The following PIK3C3 variants were observed in gnomAD, a reference collection of about 807,000 sequenced individuals.
The protein encoded by PIK3C3 is phosphatidylinositol 3-kinase catalytic subunit type 3.
PIK3C3 carries 95 observed loss-of-function variants against 126.1 expected under a neutral mutation model. The observed-to-expected ratio is 0.75, with a 90% CI of 0.64 to 0.89. The LOEUF (loss-of-function observed/expected upper bound fraction) is 0.89. Among genes scored for constraint, PIK3C3 ranks in the 40% least tolerant of loss-of-function variants. The pLI, the probability that PIK3C3 is intolerant of heterozygous loss-of-function variation, is 0.00. For synonymous variants in PIK3C3, 374 were observed against 360.0 expected (o/e 1.04, Z -0.44); for missense variants, 829 against 1,063.2 (o/e 0.78, Z 3.06).
At chr18:41,967,797 T>C (rs1192850972) in intron 3 of PIK3C3, among the ~76,000 whole-genome samples, 1 of 152,218 alleles carries the variant, frequency 6.6e-6, no homozygotes, top group East Asian at 1.9e-4. Flanking sequence ...CAGTTGTTTT[T>C]TCTAAATGTG....
At chr18:42,075,221 T>C (rs1045842883) in intron 24 of PIK3C3, among the ~76,000 whole-genome samples, 20 of 152,282 alleles carry the variant, frequency 1.3e-4, no homozygotes, top group Middle Eastern at 3.4e-3. Context: ...GAATGAAGAA[T>C]AGCAGTGTAA....
chr18:42,057,770 G>A (rs760795966), intron 21 of PIK3C3, 113 bp from the exon 22 acceptor site: 43 of 924,410 alleles, frequency 4.7e-5, no homozygotes, highest in South Asian at 6.2e-5. Context: ...AGGCTTCATC[G>A]TGAACTAATA....
In PIK3C3 at chr18:42,083,164, GT is replaced by G. The variant is rs1986308987; in HGVS notation, c.*2032del. ...AAAGAAAAGTGGCTTATCAATCTCAGTTTTTATTGCTCAAAGCAATTCTTTA... is the reference window on the plus strand; with the variant it reads ...AAAGAAAAGTGGCTTATCAATCTCAGTTTTATTGCTCAAAGCAATTCTTTA... On this transcript the variant is annotated 3_prime_UTR_variant, in exon 25 of 25. Coordinates refer to ENST00000262039, the MANE Select transcript of PIK3C3 (RefSeq NM_002647.4). The G allele has an allele frequency of 6.6e-6, 1 of 152,168 alleles. No individual in the cohort carries two copies. The highest frequency in any genetic ancestry group is 1.5e-5 in the Non-Finnish European group (1 of 68,024). The allele number at this position is 152,168 out of a possible 1,614,324, so 9.4% of individuals were successfully genotyped here. A position where few individuals can be genotyped will look rare whatever the true frequency, so the allele number is the denominator to read the frequency against.
chr18:41,970,720 C>T, intron 4 of PIK3C3: 1 of 582,028 alleles, frequency 1.7e-6, no homozygotes, highest in Non-Finnish European at 3.0e-6. Flanking sequence ...AAAGAAACCG[C>T]ACCATTAACA....
At chr18:42,037,086 T>C (rs1252846725) in intron 16 of PIK3C3, among the ~76,000 whole-genome samples, 2 of 152,232 alleles carry the variant, frequency 1.3e-5, no homozygotes, top group Non-Finnish European at 2.9e-5. Context: ...ATTATGTATA[T>C]GCAAATATTC....
chr18:42,070,758 C>T (rs1177983886), intron 24 of PIK3C3, among the ~76,000 whole-genome samples: 1 of 152,142 alleles, frequency 6.6e-6, no homozygotes, highest in Non-Finnish European at 1.5e-5. Context: ...ATCTGCCTCT[C>T]CCCTCTCCCC....
chr18:42,021,370 C>T lies in PIK3C3; in HGVS notation c.1484+665C>T, dbSNP rs574317747. On this transcript the variant is annotated intron_variant, in intron 13 of 24. Transcript: ENST00000262039. ...CACAGTTAATATGAAGCGTGGTGCC[C>T]TTTATTTGCCCCAGAATCCTGAAGA... Among the ~76,000 whole-genome samples the T allele has an allele frequency of 6.6e-5, 10 of 152,232 alleles. No homozygotes were observed. The South Asian group carries it at 2.1e-3, about 32-fold the overall frequency.
chr18:42,029,688 G>A (rs990653258), intron 15 of PIK3C3, among the ~76,000 whole-genome samples: 1 of 151,266 alleles, frequency 6.6e-6, no homozygotes, highest in African/African-American at 2.4e-5. Flanking sequence ...GATTACAGGT[G>A]CCCGCCACCA....
rs763586488 is a variant in PIK3C3 at position 41,995,899 on chromosome 18, G to T, written c.796G>T (p.Val266Phe). The change falls in exon 8 of 25, where the codon GTT becomes TTT. Residue 266 changes from valine to phenylalanine, a missense_variant. Around this residue, in one of 4 missense-constraint regions of PIK3C3, gnomAD observed 313 missense variants for 340.7 expected, o/e 0.92. Transcript: ENST00000262039. ...PDPQMSMENL[V>F]ESKHHKLARS... The stretch of plus-strand genomic sequence containing the variant: ...TTAAAATAATTTGTAGGAGAATTTA[G>T]TTGAGAGCAAACACCACAAGCTTGC... The T allele has an allele frequency of 1.2e-6, 2 of 1,610,234 alleles. No individual in the cohort carries two copies. Among genetic ancestry groups the T allele is most frequent in the Non-Finnish European group, 1.7e-6 (2 of 1,177,000 alleles).
At chr18:42,026,882 A>G (rs1983593329) in intron 13 of PIK3C3, 1 of 152,172 alleles carries the variant, frequency 6.6e-6, no homozygotes, top group Non-Finnish European at 1.5e-5. Flanking sequence ...AATGTCTTTT[A>G]CTCTTTAAAA....
chr18:42,057,982 G>A lies in PIK3C3; in HGVS notation c.2363G>A (p.Gly788Glu). The change falls in exon 22 of 25, where the codon GGG becomes GAG. Residue 788 changes from glycine (G) to glutamate (E), a missense_variant. This residue lies in a region of PIK3C3 where 196 missense variants were observed against 312.8 expected (regional missense o/e 0.63). Transcript: ENST00000262039. ...AATAAAGAAATGGTAGAAGGAATGG[G>A]GGGCACACAGAGTGAGCAGTACCAA... ...KLNKEMVEGM[G>E]GTQSEQYQEF... 6.2e-7 allele frequency: 1 copy of A among 1,613,266 alleles called. No homozygotes were observed. Among genetic ancestry groups the A allele is most frequent in the Non-Finnish European group, 8.5e-7 (1 of 1,179,556 alleles).
chr18:41,966,644 A>G (rs1980385663), intron 3 of PIK3C3, among the ~76,000 whole-genome samples: 1 of 152,244 alleles, frequency 6.6e-6, no homozygotes. Flanking sequence ...TAAATTTTAG[A>G]AATTGAAGCA....
chr18:41,967,737 T>A (rs748060208), intron 3 of PIK3C3, among the ~76,000 whole-genome samples: 4 of 152,210 alleles, frequency 2.6e-5, no homozygotes, highest in Non-Finnish European at 5.9e-5. Flanking sequence ...ATGGATTGAT[T>A]GTTAGGTTGA....
intron 21 of PIK3C3, among the ~76,000 whole-genome samples, chr18:42,055,160 T>G (rs1286061614): frequency 6.6e-6 from 1 of 151,976 alleles, no homozygotes; most frequent in African/African-American, 2.4e-5. Context: ...GTGCTGGAGG[T>G]AATGAGTGAG....
At chr18:41,967,465 G>A (rs1980428394) in intron 3 of PIK3C3, among the ~76,000 whole-genome samples, 1 of 152,048 alleles carries the variant, frequency 6.6e-6, no homozygotes, top group African/African-American at 2.4e-5. Context: ...CCCCTAAAGG[G>A]TTCTGATGTG....
chr18:41,996,873 A>T (rs901037019), intron 9 of PIK3C3, 143 bp downstream of exon 9: 103 of 428,356 alleles, frequency 2.4e-4, no homozygotes, highest in African/African-American at 9.0e-4. Flanking sequence ...TCCATTTTTT[A>T]AAAAAATTAT....
chr18:42,054,357 G>T (rs1413450763), intron 21 of PIK3C3, among the ~76,000 whole-genome samples: 1 of 150,798 alleles, frequency 6.6e-6, no homozygotes, highest in Non-Finnish European at 1.5e-5. Flanking sequence ...ATGTAGGCTG[G>T]GAGGCTGGGC....
intron 20 of PIK3C3, among the ~76,000 whole-genome samples, chr18:42,046,029 A>T (rs55971157): frequency 6.6e-6 from 1 of 152,058 alleles, no homozygotes; most frequent in East Asian, 1.9e-4. Flanking sequence ...TGTCTTTTGT[A>T]TAGTGGTCCA....
rs1029848069 is a variant in PIK3C3, at chr18:42,082,099, C to G, written c.*962C>G. On this transcript the variant is annotated 3_prime_UTR_variant, in exon 25 of 25. Transcript: ENST00000262039. ...AGAACTAATCCCTCTAGCTTTTTTACTGGAACTTTGGGGAAAAAGAACAAA... is the reference window on the plus strand; with the variant it reads ...AGAACTAATCCCTCTAGCTTTTTTAGTGGAACTTTGGGGAAAAAGAACAAA... 2.0e-5 allele frequency: 3 copies of G among 152,004 alleles called. No individual in the cohort carries two copies. The highest frequency in any genetic ancestry group is 7.2e-5 in the African/African-American group (3 of 41,380). The allele number at this position is 152,004 out of a possible 1,614,324, so 9.4% of individuals were successfully genotyped here.
Sources: allele counts gnomAD v4.1 joint callset (sites outside exome capture counted in the v4.1 genomes callset), GRCh38; gene constraint gnomAD v4.1.1; regional missense constraint gnomAD v4.1.1; transcripts MANE v1.5; gene names NCBI Gene and HGNC (gene_info 2026-07-23, HGNC 2026-07-21).